Variants in ZCCHC7 observed in about 807,000 individuals in gnomAD.
ZCCHC7 encodes zinc finger CCHC-type containing 7, also known as zinc finger CCHC domain-containing protein 7.
In ZCCHC7, 35 loss-of-function variants were observed where a neutral mutation model predicts 52.0. The observed-to-expected ratio is 0.67, with a 90% confidence interval of 0.51 to 0.89. The LOEUF (loss-of-function observed/expected upper bound fraction) is 0.89. Among genes scored for constraint, ZCCHC7 ranks in the 40% least tolerant of loss-of-function variants. The probability of loss-of-function intolerance (pLI) is 0.00; values close to 1 mark genes in which losing one functional copy is unlikely to be tolerated. For missense variants in ZCCHC7, 574 were observed against 649.1 expected, an observed-to-expected ratio of 0.88 and a Z score of 1.26; for synonymous variants, 217 against 221.5, an observed-to-expected ratio of 0.98 and a Z score of 0.18.
At chr9:37,219,316 G>A (rs1057397804) in intron 2 of ZCCHC7, among the ~76,000 whole-genome samples, 1 of 152,176 alleles carries the variant, frequency 6.6e-6, no homozygotes, top group Admixed American at 6.5e-5. Context: ...AGTTGTGACA[G>A]AGACTATATG....
Position 37,221,036 on chromosome 9 carries a change from G to A in ZCCHC7, c.611-81152G>A, listed in dbSNP as rs145926986. Among the ~76,000 whole-genome samples the A allele has an allele frequency of 5.9e-5, 9 of 152,294 alleles. No homozygotes were observed. In the East Asian group the frequency reaches 1.3e-3, roughly 23 times the overall value. The stretch of plus-strand genomic sequence containing the variant: ...ACCTCCATGTGTAAAAGAGACAAAC[G>A]CGGCGTTGCCTTAATCAACTTGGGT... On this transcript the variant is annotated intron_variant, in intron 2 of 8. Transcript: ENST00000336755.
Position 37,357,075 on chromosome 9 carries a change from A to G in ZCCHC7, c.1439A>G (p.Tyr480Cys), listed in dbSNP as rs374900100. ...GATTTTCCCAGGGGCCCCAAAACCT[A>G]CTCTTCTCCTGGCAGTTTTAAAACC... ...DEDFPRGPKT[Y>C]SSPGSFKTQK... Residue 480 changes from tyrosine (Y) to cysteine (C), a missense_variant, in exon 9 of 9, where the codon TAC becomes TGC. Tyr to Cys is a radical substitution (Grantham distance 194). Around this residue, in one of 3 missense-constraint regions of ZCCHC7, gnomAD observed 168 missense variants for 171.6 expected, o/e 0.98. Coordinates refer to ENST00000336755, the MANE Select transcript of ZCCHC7 (RefSeq NM_032226.3). The G allele has an allele frequency of 2.5e-6, 4 of 1,613,376 alleles. No individual in the cohort carries two copies. The highest frequency in any genetic ancestry group is 3.4e-6 in the Non-Finnish European group (4 of 1,179,874).
At chr9:37,268,247 C>T (rs1275954249) in intron 2 of ZCCHC7, among the ~76,000 whole-genome samples, 1 of 152,064 alleles carries the variant, frequency 6.6e-6, no homozygotes, top group Non-Finnish European at 1.5e-5. Flanking sequence ...TCAAAACCAA[C>T]TACTATTATA....
chr9:37,120,859 C>A (rs1372962708), intron 1 of ZCCHC7: 6 of 222,462 alleles, frequency 2.7e-5, no homozygotes, highest in Non-Finnish European at 3.5e-5. Context: ...AGGGCTAATG[C>A]CGTGATTCTA....
In ZCCHC7 at chr9:37,252,997, G is replaced by C. The variant is rs118067938; in HGVS notation, c.611-49191G>C. ...AAATTTATGTTAAAATGAGCTGTTT[G>C]TTTCCTTCCTTTCATTAAAATACAG... is the stretch of plus-strand genomic sequence containing the variant. On this transcript the variant is annotated intron_variant, in intron 2 of 8. Transcript: ENST00000336755. 9.4e-3 allele frequency among the ~76,000 whole-genome samples: 1,427 copies of C among 151,940 alleles called. 11 individuals carry two copies. Among genetic ancestry groups the C allele is most frequent in the Non-Finnish European group, 0.016 (1,070 of 67,878 alleles).
rs541648897 is a variant in ZCCHC7, at chr9:37,267,301, G to A, written c.611-34887G>A. Among the ~76,000 whole-genome samples, 70 of 152,192 alleles carry A rather than the reference G, an allele frequency of 4.6e-4. 2 individuals are homozygous for A. The Middle Eastern group carries it at 0.014, about 30-fold the overall frequency. On this transcript the variant is annotated intron_variant, in intron 2 of 8. Transcript: ENST00000336755. ...CAGCCCTAGAACAGAATTCTCTGTC[G>A]CTTGTATTTAGCATTCCCTCTTGCT...
chr9:37,257,876 T>A (rs188799445), intron 2 of ZCCHC7, among the ~76,000 whole-genome samples: 1 of 152,290 alleles, frequency 6.6e-6, no homozygotes, highest in Non-Finnish European at 1.5e-5. Context: ...GTATATAGCC[T>A]GCTGAAGAGT....
intron 2 of ZCCHC7, among the ~76,000 whole-genome samples, chr9:37,282,806 T>G (rs541387773): frequency 5.5e-4 from 81 of 147,374 alleles, no homozygotes; most frequent in African/African-American, 2.0e-3. Context: ...CACTCCAGCC[T>G]GGCTCTGGCT....
At chr9:37,152,415 A>T (rs1042781798) in intron 2 of ZCCHC7, among the ~76,000 whole-genome samples, 23 of 152,226 alleles carry the variant, frequency 1.5e-4, no homozygotes, top group African/African-American at 5.3e-4. Context: ...AAGTCCATAC[A>T]TTATTCAGAT....
At chr9:37,138,284 A>G (rs1246874218) in intron 2 of ZCCHC7, among the ~76,000 whole-genome samples, 1 of 152,142 alleles carries the variant, frequency 6.6e-6, no homozygotes, top group Admixed American at 6.6e-5. Flanking sequence ...GTTTGAAGAA[A>G]GCTTTTTATG....
chr9:37,332,393 G>A (rs1486954607), intron 6 of ZCCHC7, among the ~76,000 whole-genome samples: 1 of 151,316 alleles, frequency 6.6e-6, no homozygotes, highest in Non-Finnish European at 1.5e-5. Context: ...ACTTGTAATA[G>A]TCCATCTCTG....
chr9:37,147,976 T>A (rs960414399), intron 2 of ZCCHC7, among the ~76,000 whole-genome samples: 4 of 152,108 alleles, frequency 2.6e-5, no homozygotes, highest in African/African-American at 9.7e-5. Context: ...TTGCTGACTT[T>A]TACCTGGTAT....
intron 2 of ZCCHC7, among the ~76,000 whole-genome samples, chr9:37,185,595 C>T (rs773547983): frequency 1.4e-4 from 22 of 152,318 alleles, no homozygotes; most frequent in Non-Finnish European, 2.9e-4. Context: ...GGAGGCCTGT[C>T]TGTGCCTCTT....
intron 2 of ZCCHC7, among the ~76,000 whole-genome samples, chr9:37,128,048 A>G (rs1239370219): frequency 6.6e-6 from 1 of 152,238 alleles, no homozygotes; most frequent in African/African-American, 2.4e-5. Flanking sequence ...AGAGAATAGT[A>G]GTTAGGACAG....
intron 2 of ZCCHC7, among the ~76,000 whole-genome samples, chr9:37,292,228 C>T (rs1828573420): frequency 6.6e-6 from 1 of 152,018 alleles, no homozygotes; most frequent in African/African-American, 2.4e-5. Flanking sequence ...TATGAAATGA[C>T]TTAGTTTATT....
intron 6 of ZCCHC7, among the ~76,000 whole-genome samples, chr9:37,337,196 A>G (rs1830710831): frequency 6.6e-6 from 1 of 152,302 alleles, no homozygotes; most frequent in African/African-American, 2.4e-5. Context: ...ATAGATTAAA[A>G]AACAGCACTA....
At chr9:37,304,632 G>C (rs1829214926) in intron 4 of ZCCHC7, among the ~76,000 whole-genome samples, 1 of 151,348 alleles carries the variant, frequency 6.6e-6, no homozygotes, top group South Asian at 2.1e-4. Flanking sequence ...CTCCAGCCTG[G>C]GTGACAAAGT....
At chr9:37,283,298 G>A (rs1828059242) in intron 2 of ZCCHC7, among the ~76,000 whole-genome samples, 1 of 152,098 alleles carries the variant, frequency 6.6e-6, no homozygotes, top group South Asian at 2.1e-4. Context: ...GTAGAAAAAT[G>A]TATATAATCT....
At chr9:37,352,609 C>T (rs1197229770) in intron 7 of ZCCHC7, among the ~76,000 whole-genome samples, 3 of 149,968 alleles carry the variant, frequency 2.0e-5, no homozygotes, top group African/African-American at 7.4e-5. Flanking sequence ...ACCTCCACCT[C>T]CTAGGTTCAA....
Sources: allele counts gnomAD v4.1 joint callset (sites outside exome capture counted in the v4.1 genomes callset), GRCh38; gene constraint gnomAD v4.1.1; regional missense constraint gnomAD v4.1.1; transcripts MANE v1.5; gene names NCBI Gene and HGNC (gene_info 2026-07-23, HGNC 2026-07-21).